The following DNAH2 variants were observed in gnomAD, a reference collection of about 807,000 sequenced individuals.
The protein encoded by DNAH2 is dynein axonemal heavy chain 2.
A neutral mutation model predicts 523.5 loss-of-function variants in DNAH2; 323 were observed. The ratio of observed to expected loss-of-function variants is 0.62; its 90% CI spans 0.56 to 0.68. The LOEUF (loss-of-function observed/expected upper bound fraction) is 0.68, where lower values mean the gene tolerates loss of function less well. DNAH2 is among the 30% of genes least tolerant of loss of function. DNAH2 has a pLI of 0.00. For synonymous variants in DNAH2, 2,093 were observed against 2,177.4 expected, an observed-to-expected ratio of 0.96 and a Z score of 1.08; for missense variants, 4,907 against 5,701.5, an observed-to-expected ratio of 0.86 and a Z score of 4.49.
intron 72 of DNAH2, 140 bp downstream of exon 72, chr17:7,819,548 A>G: frequency 1.2e-6 from 1 of 832,740 alleles, no homozygotes; most frequent in East Asian, 2.7e-5. Context: ...GTAGCTCCTC[A>G]CTCTCATGGC....
intron 12 of DNAH2, among the ~76,000 whole-genome samples, chr17:7,750,289 T>C (rs1043127168): frequency 1.3e-5 from 2 of 152,214 alleles, no homozygotes; most frequent in Non-Finnish European, 2.9e-5. Flanking sequence ...ACATACTGGG[T>C]ATTGGTTTCA....
intron 3 of DNAH2, among the ~76,000 whole-genome samples, chr17:7,725,740 C>T (rs932965208): frequency 7.9e-4 from 107 of 136,248 alleles, no homozygotes; most frequent in Admixed American, 1.5e-3. Flanking sequence ...TGAGCCACCA[C>T]GCCTGGCCAA....
intron 18 of DNAH2, among the ~76,000 whole-genome samples, chr17:7,762,100 CAG>C (rs2076021416): frequency 1.3e-5 from 2 of 152,086 alleles, no homozygotes; most frequent in Non-Finnish European, 2.9e-5. Flanking sequence ...TTCTATGAAA[CAG>C]ATATTACACT....
At chr17:7,765,062 G>A (rs967174922) in intron 20 of DNAH2, among the ~76,000 whole-genome samples, 3 of 152,024 alleles carry the variant, frequency 2.0e-5, no homozygotes, top group Non-Finnish European at 2.9e-5. Flanking sequence ...CCCGGCCAGG[G>A]TTTCTTTTAG....
Position 7,831,284 on chromosome 17 carries a change from C to A in DNAH2, c.12429C>A (p.Thr4143=). The A allele has an allele frequency of 6.2e-7, 1 of 1,614,100 alleles. No individual in the cohort carries two copies. Among genetic ancestry groups the A allele is most frequent in the East Asian group, 2.2e-5 (1 of 44,872 alleles). Residue 4143 remains threonine, a synonymous_variant, in exon 80 of 86, where the codon ACC becomes ACA. Coordinates refer to ENST00000572933, the MANE Select transcript of DNAH2 (RefSeq NM_020877.5). This position sits in a 1 kb window ranked among gnomAD's most constrained non-coding sequence, Gnocchi z 4.2. ...LLSLQPQITP[T]RAGGQTREEK... is the part of the protein sequence containing the mutation. ...CCTTGCAACCTCAGATTACACCCAC[C>A]AGGGCTGGAGGCCAGACCCGGGAAG...
At chr17:7,767,783 C>A in intron 22 of DNAH2, 117 bp from the exon 23 acceptor site, 1 of 1,333,304 alleles carries the variant, frequency 7.5e-7, no homozygotes, top group Non-Finnish European at 1.0e-6. Flanking sequence ...ACTGAGGAGG[C>A]CGCTGTATTA....
rs181020602 is a variant in DNAH2, at chr17:7,774,386, A to G, written c.4502-373A>G. ...ATCACACTACTCAGAACAGTGTGCA[A>G]TTAAAACCTAGGGATTATTTCTGGA... On this transcript the variant is annotated intron_variant, in intron 28 of 85. Transcript: ENST00000572933. Among the ~76,000 whole-genome samples the G allele has an allele frequency of 2.6e-5, 4 of 152,346 alleles. No individual in the cohort carries two copies. The East Asian group carries it at 7.7e-4, about 29-fold the overall frequency.
intron 4 of DNAH2, among the ~76,000 whole-genome samples, chr17:7,728,752 A>T (rs1427527322): frequency 6.6e-6 from 1 of 152,192 alleles, no homozygotes; most frequent in Non-Finnish European, 1.5e-5. Flanking sequence ...CGGGAGGCCG[A>T]GGCAGGCTGA....
chr17:7,814,205 CAGAT>C (rs964472586), intron 63 of DNAH2, among the ~76,000 whole-genome samples: 6 of 111,844 alleles, frequency 5.4e-5, no homozygotes, highest in Admixed American at 1.8e-4. Context: ...AAAAAAAAAA[CAGAT>C]AGTAAAAATT....
intron 28 of DNAH2, among the ~76,000 whole-genome samples, chr17:7,772,899 A>T (rs1191910380): frequency 6.6e-6 from 1 of 152,220 alleles, no homozygotes; most frequent in East Asian, 1.9e-4. Flanking sequence ...CAGCCTCCCA[A>T]GTAGCTGGGA....
In DNAH2 at chr17:7,737,236, G is replaced by T; in HGVS notation, c.1148G>T (p.Arg383Ile). Reference protein sequence around the residue: ...VNSPHYNTRERLTSLFRKVCD... With the variant: ...VNSPHYNTREILTSLFRKVCD... ...TCTCCCCACTACAACACTCGGGAGAGACTGACCTCGCTCTTCCGAAAGGTG... is the reference window on the plus strand; with the variant it reads ...TCTCCCCACTACAACACTCGGGAGATACTGACCTCGCTCTTCCGAAAGGTG... Residue 383 changes from arginine (R) to isoleucine (I), a missense_variant, in exon 8 of 86, where the codon AGA becomes ATA. By Grantham distance (97) the Arg-to-Ile change is moderately conservative. Around this residue, in one of 3 missense-constraint regions of DNAH2, gnomAD observed 2,806 missense variants for 3,190.8 expected, o/e 0.88. Transcript: ENST00000572933. The T allele has an allele frequency of 1.9e-6, 3 of 1,614,050 alleles. No homozygotes were observed. Among genetic ancestry groups the T allele is most frequent in the Non-Finnish European group, 2.5e-6 (3 of 1,179,984 alleles).
chr17:7,783,117 GC>G (rs942380448), intron 39 of DNAH2, among the ~76,000 whole-genome samples: 3 of 152,060 alleles, frequency 2.0e-5, no homozygotes, highest in Non-Finnish European at 4.4e-5. Flanking sequence ...CACTCTTGTT[GC>G]CCAGGCTGGA....
rs775105135 is a variant in DNAH2 at position 7,781,141 on chromosome 17, G to C, written c.6103G>C (p.Glu2035Gln). 1 of 1,614,176 alleles carries C rather than the reference G, an allele frequency of 6.2e-7. No homozygotes were observed. The highest frequency in any genetic ancestry group is 2.2e-5 in the East Asian group (1 of 44,888). ...AIVQDLFPNI[E>Q]LPVIDYGKLR... is the part of the protein sequence containing the mutation. The stretch of plus-strand genomic sequence containing the variant: ...CGTGCAAGATCTGTTTCCCAACATT[G>C]AGCTGCCTGTCATTGACTATGGCAA... Residue 2035 changes from glutamate to glutamine, a missense_variant, in exon 39 of 86, where the codon GAG becomes CAG. This residue lies in a region of DNAH2 where 2,806 missense variants were observed against 3,190.8 expected (regional missense o/e 0.88). Coordinates refer to ENST00000572933, the MANE Select transcript of DNAH2 (RefSeq NM_020877.5).
In DNAH2 at chr17:7,719,831, C is replaced by G; in HGVS notation, c.97C>G (p.Gln33Glu). Residue 33 changes from glutamine (Q) to glutamate (E), a missense_variant, in exon 2 of 86, where the codon CAG becomes GAG. Gln to Glu is a conservative substitution (Grantham distance 29, BLOSUM62 2). Around this residue, in one of 3 missense-constraint regions of DNAH2, gnomAD observed 2,806 missense variants for 3,190.8 expected, o/e 0.88. Coordinates refer to ENST00000572933, the MANE Select transcript of DNAH2 (RefSeq NM_020877.5). ...GGCCACTCGGGCTGCTGTGGCCACA[C>G]AGGAGCAGGGGAATGCCCCGGCTGT... ...GRATRAAVATQEQGNAPAVSE... is the reference protein window; with the variant it reads ...GRATRAAVATEEQGNAPAVSE... 6.2e-7 allele frequency: 1 copy of G among 1,610,922 alleles called. No homozygotes were observed. The highest frequency in any genetic ancestry group is 8.5e-7 in the Non-Finnish European group (1 of 1,178,450).
chr17:7,824,052 T>C (rs1034633524), intron 75 of DNAH2, 69 bp from the exon 76 acceptor site: 72 of 1,579,628 alleles, frequency 4.6e-5, no homozygotes, highest in Non-Finnish European at 6.0e-5. Context: ...TGTTTCAGTC[T>C]CCTTCATCTC....
At chr17:7,726,504 T>C (rs1279265063) in intron 3 of DNAH2, among the ~76,000 whole-genome samples, 1 of 151,944 alleles carries the variant, frequency 6.6e-6, no homozygotes, top group East Asian at 1.9e-4. Flanking sequence ...GGTTTCTCCA[T>C]GTTGGTCAGG....
At chr17:7,768,335 C>T in intron 24 of DNAH2, 68 bp downstream of exon 24, 1 of 1,499,406 alleles carries the variant, frequency 6.7e-7, no homozygotes, top group Non-Finnish European at 9.3e-7. Context: ...CTTGGTCCCT[C>T]CCATTCTCCT....
chr17:7,823,969 T>G lies in DNAH2; in HGVS notation c.11465T>G (p.Leu3822Arg), dbSNP rs1022714425. The G allele has an allele frequency of 6.2e-7, 1 of 1,613,476 alleles. No individual in the cohort carries two copies. The highest frequency in any genetic ancestry group is 1.3e-5 in the African/African-American group (1 of 75,058). The change falls in exon 75 of 86, where the codon CTG becomes CGG. Residue 3822 changes from leucine (L) to arginine (R), a missense_variant. Physicochemically the swap from Leu to Arg is moderately radical, Grantham distance 102. Around this residue, in one of 3 missense-constraint regions of DNAH2, gnomAD observed 1,851 missense variants for 2,139.4 expected, o/e 0.87. Coordinates refer to ENST00000572933, the MANE Select transcript of DNAH2 (RefSeq NM_020877.5). Reference protein sequence around the residue: ...LGSRFIEPPVLNMKSVLEDST... With the variant: ...LGSRFIEPPVRNMKSVLEDST... The stretch of plus-strand genomic sequence containing the variant: ...TCCCGCTTCATCGAGCCGCCTGTGC[T>G]GAATATGAAGTCGGTCGGTGGCTCG...
intron 4 of DNAH2, 75 bp from the exon 5 acceptor site, chr17:7,733,012 C>T (rs2075034189): frequency 7.3e-6 from 11 of 1,498,804 alleles, no homozygotes; most frequent in Non-Finnish European, 8.2e-6. Flanking sequence ...TGAGAAAGAA[C>T]TCAGCCGGGC....
Sources: gnomAD v4.1 joint callset for allele counts (sites outside exome capture counted in the v4.1 genomes callset) on GRCh38, gnomAD v4.1.1 for gene constraint, gnomAD v4.1.1 regional missense constraint, Gnocchi (gnomAD v3.1) non-coding constraint, MANE v1.5 for transcripts, NCBI Gene and HGNC (gene_info 2026-07-23, HGNC 2026-07-21) for gene names.